HBS1L: variants seen among roughly 807,000 people sequenced by gnomAD.
HBS1L encodes HBS1-like protein.
Under a neutral mutation model 88.9 loss-of-function variants are expected in HBS1L, and 55 were observed. That is an observed-to-expected ratio of 0.62 (90% confidence interval 0.50 to 0.77). HBS1L has a LOEUF of 0.77. Among genes scored for constraint, HBS1L ranks in the 30% least tolerant of loss-of-function variants. The pLI is 0.00. For missense variants in HBS1L, 741 were observed against 829.3 expected, an observed-to-expected ratio of 0.89 and a Z score of 1.31; for synonymous variants, 267 against 288.5, an observed-to-expected ratio of 0.93 and a Z score of 0.76.
At position 135,001,963 on chromosome 6, in the gene HBS1L, G is replaced by GTA. The variant is rs368905706; in HGVS notation, c.539+769_539+770dup. 8.6e-3 allele frequency among the ~76,000 whole-genome samples: 1,305 copies of GTA among 151,306 alleles called. 12 individuals are homozygous for GTA. Among genetic ancestry groups the GTA allele is most frequent in the African/African-American group, 0.03 (1,224 of 41,322 alleles). ...AAAAGAGGAAAAAAAAGGAAAAAAAGTATATATATATAAAAATCTATTGTT... is the reference window on the plus strand; with the variant it reads ...AAAAGAGGAAAAAAAAGGAAAAAAAGTATATATATATATAAAAATCTATTGTT... On this transcript the variant is annotated intron_variant, in intron 5 of 17. Transcript: ENST00000367837.
At chr6:134,982,418 C>T (rs1181779728) in intron 13 of HBS1L, 40 bp downstream of exon 13, 1 of 1,293,638 alleles carries the variant, frequency 7.7e-7, no homozygotes, top group South Asian at 1.2e-5. Flanking sequence ...GCTGTCTCAA[C>T]TTAAGGCTTG....
chr6:135,027,912 G>A (rs981513147), intron 4 of HBS1L, among the ~76,000 whole-genome samples: 30 of 151,912 alleles, frequency 2.0e-4, no homozygotes, highest in African/African-American at 5.8e-4. Flanking sequence ...TCAAAGATGC[G>A]TGCCACCACA....
intron 2 of HBS1L, among the ~76,000 whole-genome samples, chr6:135,043,586 G>A (rs188958850): frequency 6.6e-6 from 1 of 152,064 alleles, no homozygotes; most frequent in Non-Finnish European, 1.5e-5. Flanking sequence ...TAGAAGGGAG[G>A]GCAAAGAAGA....
chr6:134,979,447 G>C, intron 13 of HBS1L, 179 bp from the exon 14 acceptor site: 1 of 553,156 alleles, frequency 1.8e-6, no homozygotes, highest in Non-Finnish European at 3.3e-6. Flanking sequence ...CTCTAGAACT[G>C]ACTCTTCTAG....
At chr6:135,022,787 A>T (rs1439829322) in intron 4 of HBS1L, among the ~76,000 whole-genome samples, 1 of 152,166 alleles carries the variant, frequency 6.6e-6, no homozygotes, top group Non-Finnish European at 1.5e-5. Flanking sequence ...TTTTAAGTGC[A>T]TTATTGAAAA....
At chr6:134,984,179 G>C (rs995112385) in intron 12 of HBS1L, among the ~76,000 whole-genome samples, 4 of 152,060 alleles carry the variant, frequency 2.6e-5, no homozygotes, top group African/African-American at 9.7e-5. Flanking sequence ...ATAAACAATG[G>C]GCATCTTGGA....
At chr6:135,011,955 A>C (rs1435479105) in intron 4 of HBS1L, among the ~76,000 whole-genome samples, 1 of 151,194 alleles carries the variant, frequency 6.6e-6, no homozygotes, top group Non-Finnish European at 1.5e-5. Flanking sequence ...TGAGAAAAAA[A>C]CTCCTCAGAA....
At chr6:135,025,834 G>A (rs1377827539) in intron 4 of HBS1L, among the ~76,000 whole-genome samples, 1 of 152,066 alleles carries the variant, frequency 6.6e-6, no homozygotes, top group Non-Finnish European at 1.5e-5. Context: ...AGAAGAGCTT[G>A]GAAAAAGAAA....
chr6:135,017,847 T>C (rs1348284012), intron 4 of HBS1L, among the ~76,000 whole-genome samples: 1 of 151,998 alleles, frequency 6.6e-6, no homozygotes, highest in Non-Finnish European at 1.5e-5. Flanking sequence ...ATGGGGAATT[T>C]TTTTATATTT....
chr6:135,035,026 AG>A lies in HBS1L; in HGVS notation c.430+4546del, dbSNP rs377713104. Among the ~76,000 whole-genome samples the A allele has an allele frequency of 4.7e-3, 717 of 152,368 alleles. 4 individuals are homozygous for A. Among genetic ancestry groups the A allele is most frequent in the African/African-American group, 0.016 (652 of 41,584 alleles). ...TTGCTAGTTGAGAACCACTGCTTTA[AG>A]GGATGAATTACATAATTATTCTACT... On this transcript the variant is annotated intron_variant, in intron 4 of 17. Transcript: ENST00000367837.
At chr6:134,978,974 A>C (rs1346450486) in intron 14 of HBS1L, among the ~76,000 whole-genome samples, 187 bp from the exon 15 acceptor site, 1 of 152,098 alleles carries the variant, frequency 6.6e-6, no homozygotes, top group African/African-American at 2.4e-5. Flanking sequence ...TTTATACATT[A>C]GAGCTTTCAC....
chr6:134,985,031 T>C lies in HBS1L; in HGVS notation c.1492+310A>G, dbSNP rs144216346. Among the ~76,000 whole-genome samples, 482 of 152,052 alleles carry C rather than the reference T, an allele frequency of 3.2e-3. 2 individuals carry two copies. Among genetic ancestry groups the C allele is most frequent in the African/African-American group, 0.011 (466 of 41,492 alleles). On this transcript the variant is annotated intron_variant, in intron 12 of 17. Transcript: ENST00000367837. The stretch of plus-strand genomic sequence containing the variant: ...AGAAACAATAAACAATCCAGTTTGG[T>C]TGAAGGATTTGAAAACTAAAGGAAT...
At chr6:134,979,132 G>T in intron 14 of HBS1L, 46 bp downstream of exon 14, 1 of 1,350,216 alleles carries the variant, frequency 7.4e-7, no homozygotes, top group Non-Finnish European at 1.1e-6. Flanking sequence ...TAGAGGTGAG[G>T]TCCTATATGA....
chr6:135,035,395 A>C (rs1776504388), intron 4 of HBS1L, among the ~76,000 whole-genome samples: 1 of 151,532 alleles, frequency 6.6e-6, no homozygotes, highest in African/African-American at 2.4e-5. Flanking sequence ...GGCTGCAGTG[A>C]GCGTCACTGC....
Position 135,050,721 on chromosome 6 carries a change from C to A in HBS1L, c.44-74G>T, listed in dbSNP as rs1021630178. On this transcript the variant is annotated intron_variant, in intron 1 of 17. Transcript: ENST00000367837. Reference sequence around the variant, plus strand: ...TTCTTAGTTACTAGTGAGGAAGCATCTGAATCCTCTCCAAAATAAACTGTT... The same window carrying A: ...TTCTTAGTTACTAGTGAGGAAGCATATGAATCCTCTCCAAAATAAACTGTT... 2.4e-5 allele frequency: 21 copies of A among 865,868 alleles called. No individual in the cohort carries two copies. The African/African-American group carries it at 3.4e-4, about 14-fold the overall frequency. 53.6% of individuals were successfully genotyped at this position (865,868 alleles called of 1,614,324 possible).
chr6:135,023,581 C>T (rs1056154150), intron 4 of HBS1L, among the ~76,000 whole-genome samples: 3 of 151,956 alleles, frequency 2.0e-5, no homozygotes, highest in African/African-American at 7.3e-5. Context: ...CAAAACAATG[C>T]TAGAAAGAAT....
intron 3 of HBS1L, 38 bp downstream of exon 3, chr6:135,041,963 T>C (rs1776751425): frequency 1.9e-6 from 3 of 1,593,828 alleles, no homozygotes; most frequent in Non-Finnish European, 2.6e-6. Context: ...TGGTCATTAA[T>C]CACTTTCAGA....
intron 7 of HBS1L, among the ~76,000 whole-genome samples, chr6:134,996,491 A>C (rs1192068031): frequency 6.6e-6 from 1 of 152,220 alleles, no homozygotes; most frequent in East Asian, 1.9e-4. Flanking sequence ...ACTGAAACTT[A>C]TCCCATAGAA....
chr6:135,024,419 GAC>G (rs1236566837), intron 4 of HBS1L, among the ~76,000 whole-genome samples: 2 of 123,916 alleles, frequency 1.6e-5, no homozygotes, highest in African/African-American at 6.3e-5. Context: ...AAGCCTGGGT[GAC>G]AGAGTGAGAC....
Sources: allele counts gnomAD v4.1 joint callset (sites outside exome capture counted in the v4.1 genomes callset), GRCh38; gene constraint gnomAD v4.1.1; transcripts MANE v1.5; gene names NCBI Gene and HGNC (gene_info 2026-07-23, HGNC 2026-07-21).